Variants in BTBD9 observed in about 807,000 individuals in gnomAD.
BTBD9 encodes BTB/POZ domain-containing protein 9.
A neutral mutation model predicts 64.3 loss-of-function variants in BTBD9; 49 were observed. The observed-to-expected ratio is 0.76, with a 90% CI of 0.61 to 0.97. The LOEUF (loss-of-function observed/expected upper bound fraction) is 0.97. Among genes scored for constraint, BTBD9 ranks in the 50% least tolerant of loss-of-function variants. The pLI is 0.00. For missense variants in BTBD9, 598 were observed against 762.1 expected, an observed-to-expected ratio of 0.78 and a Z score of 2.53; for synonymous variants, 260 against 274.7, an observed-to-expected ratio of 0.95 and a Z score of 0.53.
chr6:38,205,025 C>G (rs1762586160), intron 9 of BTBD9, among the ~76,000 whole-genome samples: 1 of 151,856 alleles, frequency 6.6e-6, no homozygotes, highest in Non-Finnish European at 1.5e-5. Context: ...GGAAATTTCC[C>G]AGAATGTCAA....
At chr6:38,397,189 A>C (rs1172910757) in intron 6 of BTBD9, among the ~76,000 whole-genome samples, 2 of 152,210 alleles carry the variant, frequency 1.3e-5, no homozygotes, top group African/African-American at 4.8e-5. Flanking sequence ...GGTGTGAGCC[A>C]CTGCACCGTC....
chr6:38,607,026 C>A (rs1202644640), intron 1 of BTBD9, among the ~76,000 whole-genome samples: 1 of 152,134 alleles, frequency 6.6e-6, no homozygotes, highest in East Asian at 1.9e-4. Flanking sequence ...CTTTAACATA[C>A]CATCTTCAGA....
chr6:38,290,977 C>G (rs1471958434), intron 7 of BTBD9, among the ~76,000 whole-genome samples: 3 of 152,172 alleles, frequency 2.0e-5, no homozygotes, highest in African/African-American at 4.8e-5. Flanking sequence ...TATCTATTCT[C>G]TTGCTGAAGG....
chr6:38,291,685 G>A (rs1260122237), intron 7 of BTBD9, among the ~76,000 whole-genome samples: 5 of 152,146 alleles, frequency 3.3e-5, no homozygotes, highest in Admixed American at 2.0e-4. Context: ...CTAGTTTACT[G>A]AGAGTTTTTA....
At chr6:38,500,736 C>T (rs948916173) in intron 6 of BTBD9, among the ~76,000 whole-genome samples, 3 of 152,186 alleles carry the variant, frequency 2.0e-5, no homozygotes, top group Admixed American at 1.3e-4. Flanking sequence ...TGATACCTGG[C>T]CATCTTAATT....
chr6:38,523,590 T>C (rs1773359929), intron 6 of BTBD9, among the ~76,000 whole-genome samples: 1 of 152,132 alleles, frequency 6.6e-6, no homozygotes, highest in African/African-American at 2.4e-5. Context: ...CATGAACAGG[T>C]CTCTCCCCTC....
chr6:38,191,856 A>T (rs1200806821), intron 10 of BTBD9, among the ~76,000 whole-genome samples: 2 of 152,340 alleles, frequency 1.3e-5, no homozygotes, highest in East Asian at 3.9e-4. Flanking sequence ...CACAATTCAA[A>T]GGTAAAAAGA....
At position 38,592,561 on chromosome 6, in the gene BTBD9, T is replaced by C. The variant is rs1776846659; in HGVS notation, c.814+15A>G. 6.2e-7 allele frequency: 1 copy of C among 1,612,598 alleles called. No individual in the cohort carries two copies. ...CCAAGCTTCTTGGTTGAGTTTAGGA[T>C]AGACAGGTACTTACTGAGCATGCCT... On this transcript the variant is annotated intron_variant, in intron 4 of 10. Transcript: ENST00000481247.
chr6:38,205,616 C>T (rs1762611185), intron 9 of BTBD9, among the ~76,000 whole-genome samples: 2 of 151,924 alleles, frequency 1.3e-5, no homozygotes, highest in Non-Finnish European at 2.9e-5. Flanking sequence ...ATGTGTTCCA[C>T]CAAAACAAAG....
intron 6 of BTBD9, among the ~76,000 whole-genome samples, chr6:38,442,085 C>CAT (rs907369263): frequency 2.5e-4 from 38 of 152,110 alleles, no homozygotes; most frequent in Non-Finnish European, 1.3e-4. Context: ...CACAGAAATA[C>CAT]ATATAACAAA....
chr6:38,242,014 T>C (rs1010215067), intron 9 of BTBD9, among the ~76,000 whole-genome samples: 6 of 152,210 alleles, frequency 3.9e-5, no homozygotes, highest in Admixed American at 6.5e-5. Context: ...GTATGAATTA[T>C]GATACAGCTA....
chr6:38,400,229 C>T (rs150629921), intron 6 of BTBD9, among the ~76,000 whole-genome samples: 49 of 152,228 alleles, frequency 3.2e-4, no homozygotes, highest in African/African-American at 9.9e-4. Context: ...ATTGCTCTCT[C>T]GCTGCTAGCC....
intron 10 of BTBD9, among the ~76,000 whole-genome samples, chr6:38,182,915 CTCT>C (rs1216001353): frequency 9.3e-6 from 1 of 107,724 alleles, no homozygotes; most frequent in Admixed American, 8.7e-5. Context: ...TGCTTTTCCT[CTCT>C]TTTTTTCCAA....
intron 9 of BTBD9, among the ~76,000 whole-genome samples, chr6:38,214,532 G>C (rs887921540): frequency 6.6e-5 from 10 of 152,192 alleles, no homozygotes; most frequent in African/African-American, 2.4e-4. Context: ...AGAGGCTAAA[G>C]GTGTGACAGG....
At chr6:38,199,886 C>T (rs1459193565) in intron 9 of BTBD9, among the ~76,000 whole-genome samples, 1 of 152,234 alleles carries the variant, frequency 6.6e-6, no homozygotes, top group Non-Finnish European at 1.5e-5. Context: ...GCAAGAAAAG[C>T]CTGGGCTGCT....
chr6:38,217,532 A>G (rs541489559), intron 9 of BTBD9, among the ~76,000 whole-genome samples: 55 of 152,248 alleles, frequency 3.6e-4, no homozygotes, highest in Non-Finnish European at 5.7e-4. Flanking sequence ...TGCAGCTCTC[A>G]AAAGTATTCC....
chr6:38,548,147 A>G (rs1473317975), intron 6 of BTBD9, among the ~76,000 whole-genome samples: 1 of 152,206 alleles, frequency 6.6e-6, no homozygotes, highest in Non-Finnish European at 1.5e-5. Flanking sequence ...GCAAATCTAT[A>G]AGTATACTAT....
rs1381515160 is a variant in BTBD9 at position 38,376,299 on chromosome 6, T to A, written c.1155-31206A>T. 4.6e-5 allele frequency among the ~76,000 whole-genome samples: 7 copies of A among 152,284 alleles called. No individual in the cohort carries two copies. The South Asian group carries it at 1.5e-3, about 32-fold the overall frequency. ...AAGGGCCAGCTAAATATGGACCTGC[T>A]CGCTACAAATAATGCTGAAGAGTAT... On this transcript the variant is annotated intron_variant, in intron 6 of 10. Transcript: ENST00000481247.
intron 1 of BTBD9, among the ~76,000 whole-genome samples, chr6:38,606,326 T>C (rs1777432823): frequency 6.6e-6 from 1 of 152,146 alleles, no homozygotes. Flanking sequence ...CCTGTCCCTC[T>C]AGAGAACCCT....
Sources: gnomAD v4.1 joint callset for allele counts (sites outside exome capture counted in the v4.1 genomes callset) on GRCh38, gnomAD v4.1.1 for gene constraint, MANE v1.5 for transcripts, NCBI Gene and HGNC (gene_info 2026-07-23, HGNC 2026-07-21) for gene names.